Variants in CD46 observed in about 807,000 individuals in gnomAD.
CD46 encodes the protein membrane cofactor protein.
In CD46, 30 loss-of-function variants were observed where a neutral mutation model predicts 53.3. That is an observed-to-expected ratio of 0.56 (90% CI 0.42 to 0.76). CD46 has a LOEUF of 0.76. CD46 is among the 30% of genes least tolerant of loss of function. The probability of loss-of-function intolerance (pLI) is 0.00; values close to 1 mark genes in which losing one functional copy is unlikely to be tolerated. For missense variants in CD46, 409 were observed against 463.0 expected (o/e 0.88, Z 1.07); for synonymous variants, 142 against 152.0 (o/e 0.93, Z 0.48).
chr1:207,775,353 C>T (rs986402022), intron 8 of CD46, among the ~76,000 whole-genome samples: 2 of 152,144 alleles, frequency 1.3e-5, no homozygotes, highest in Non-Finnish European at 2.9e-5. Context: ...TTTGTTATTA[C>T]TGACCTTCTG....
chr1:207,785,553 C>A, intron 10 of CD46, 66 bp from the exon 11 acceptor site: 1 of 1,073,824 alleles, frequency 9.3e-7, no homozygotes, highest in Non-Finnish European at 1.5e-6. Context: ...ATTTCTTCTG[C>A]TAGATGTTGA....
rs56114948 is a variant in CD46 at position 207,785,791 on chromosome 1, T to A, written c.1082+109T>A. ...TTGCATGCTATCTTTTTTTTTTTTT[T>A]AAAAAAATGCCTGCATTAGTTTGTC... is the stretch of plus-strand genomic sequence containing the variant. On this transcript the variant is annotated intron_variant, in intron 11 of 12. Transcript: ENST00000367042. The A allele has an allele frequency of 0.051, 36,411 of 708,588 alleles. 1,731 individuals carry two copies. Among genetic ancestry groups the A allele is most frequent in the African/African-American group, 0.19 (10,523 of 55,568 alleles). The allele number at this position is 708,588 out of a possible 1,614,324, so 43.9% of individuals were successfully genotyped here.
chr1:207,794,742 T>C lies in CD46; in HGVS notation c.*1265T>C, dbSNP rs753496695. Reference sequence around the variant, plus strand: ...AGGTAGCACTTTATACTCAGGCAGATCTCAGCCCTCTACTGAGTCCCTTAG... The same window carrying C: ...AGGTAGCACTTTATACTCAGGCAGACCTCAGCCCTCTACTGAGTCCCTTAG... On this transcript the variant is annotated 3_prime_UTR_variant, in exon 13 of 13. Transcript: ENST00000367042. The C allele has an allele frequency of 2.6e-5, 4 of 152,210 alleles. No homozygotes were observed. The highest frequency in any genetic ancestry group is 4.4e-5 in the Non-Finnish European group (3 of 68,040). The allele number at this position is 152,210 out of a possible 1,614,324, so 9.4% of individuals were successfully genotyped here.
chr1:207,759,895 A>C, intron 4 of CD46, 171 bp downstream of exon 4: 3 of 563,818 alleles, frequency 5.3e-6, no homozygotes, highest in Non-Finnish European at 9.6e-6. Flanking sequence ...GTTTTTAAAT[A>C]ATTATTGATT....
At chr1:207,767,559 G>C in intron 6 of CD46, 4 of 1,401,108 alleles carry the variant, frequency 2.9e-6, no homozygotes, top group Non-Finnish European at 3.0e-6. Context: ...TGAAATGAGA[G>C]CAATAACTCC....
chr1:207,788,241 G>A (rs1558081762), intron 11 of CD46, among the ~76,000 whole-genome samples: 1 of 151,964 alleles, frequency 6.6e-6, no homozygotes, highest in Non-Finnish European at 1.5e-5. Flanking sequence ...TTCCAGCCGG[G>A]CCTGGTGGCT....
intron 6 of CD46, 188 bp from the exon 7 acceptor site, chr1:207,767,591 T>C (rs1230334088): frequency 6.2e-7 from 1 of 1,605,200 alleles, no homozygotes; most frequent in Non-Finnish European, 8.5e-7. Flanking sequence ...TCTTCTAACA[T>C]TATTTTGTTT....
chr1:207,783,206 C>T, intron 8 of CD46, 86 bp from the exon 9 acceptor site: 3 of 711,688 alleles, frequency 4.2e-6, no homozygotes, highest in Non-Finnish European at 7.4e-6. Flanking sequence ...AAAAAAATCA[C>T]CCTATGAGTT....
At chr1:207,792,961 T>C (rs1010550051) in intron 12 of CD46, among the ~76,000 whole-genome samples, 2 of 152,266 alleles carry the variant, frequency 1.3e-5, no homozygotes, top group East Asian at 3.8e-4. Flanking sequence ...AAATTACATG[T>C]ATGACTGGCA....
chr1:207,785,125 G>T lies in CD46; in HGVS notation c.1018+19G>T. ...GCCATAGGTAAGTATCACAAATTTT[G>T]ACACCACTTAAGTCAAAAAATTATT... On this transcript the variant is annotated intron_variant, in intron 10 of 12. Coordinates refer to ENST00000367042, the MANE Select transcript of CD46 (RefSeq NM_172351.3). 3 of 1,589,062 alleles carry T rather than the reference G, an allele frequency of 1.9e-6. No homozygotes were observed. The highest frequency in any genetic ancestry group is 2.2e-5 in the South Asian group (2 of 90,412).
At chr1:207,791,617 A>G (rs1251508389) in intron 12 of CD46, among the ~76,000 whole-genome samples, 3 of 152,220 alleles carry the variant, frequency 2.0e-5, no homozygotes, top group Admixed American at 6.5e-5. Flanking sequence ...GTAGTTCTGT[A>G]ATTTTCCATT....
chr1:207,780,789 A>G (rs1474839731), intron 8 of CD46, among the ~76,000 whole-genome samples: 1 of 152,118 alleles, frequency 6.6e-6, no homozygotes. Flanking sequence ...ACAGAATACC[A>G]CAGACTGAGT....
intron 11 of CD46, chr1:207,785,915 T>C: frequency 2.3e-6 from 1 of 438,862 alleles, no homozygotes; most frequent in Non-Finnish European, 4.2e-6. Flanking sequence ...TATTATGACT[T>C]TAAGAAAAAT....
In CD46 at chr1:207,757,146, A is replaced by G; in HGVS notation, c.230A>G (p.His77Arg). Residue 77 changes from histidine to arginine, a missense_variant, in exon 2 of 13, where the codon CAT becomes CGT. Physicochemically the swap from His to Arg is conservative, Grantham distance 29. Transcript: ENST00000367042. ...TTCTATATACCTCCTCTTGCCACCC[A>G]TACTATTTGTGATCGGAATCATACA... ...GYFYIPPLAT[H>R]TICDRNHTWL... The G allele has an allele frequency of 6.2e-7, 1 of 1,613,974 alleles. No individual in the cohort carries two copies. Among genetic ancestry groups the G allele is most frequent in the Non-Finnish European group, 8.5e-7 (1 of 1,179,932 alleles).
At chr1:207,764,000 C>T in intron 5 of CD46, among the ~76,000 whole-genome samples, 2 of 148,958 alleles carry the variant, frequency 1.3e-5, no homozygotes. Flanking sequence ...GCCATGTCTT[C>T]CTAGACTTAA....
At chr1:207,763,710 A>G (rs920490729) in intron 5 of CD46, among the ~76,000 whole-genome samples, 7 of 151,928 alleles carry the variant, frequency 4.6e-5, no homozygotes, top group Non-Finnish European at 1.0e-4. Context: ...TTCTGGAAAC[A>G]TTCTGTGCTG....
chr1:207,787,472 A>G (rs1318366596), intron 11 of CD46, among the ~76,000 whole-genome samples: 1 of 152,154 alleles, frequency 6.6e-6, no homozygotes, highest in Non-Finnish European at 1.5e-5. Context: ...TAATTTGTCC[A>G]GTGATTTTTT....
chr1:207,785,791 T>TAA lies in CD46; in HGVS notation c.1082+115_1082+116dup, dbSNP rs373519619. Reference sequence around the variant, plus strand: ...TTGCATGCTATCTTTTTTTTTTTTTTAAAAAAATGCCTGCATTAGTTTGTC... The same window carrying TAA: ...TTGCATGCTATCTTTTTTTTTTTTTTAAAAAAAAATGCCTGCATTAGTTTGTC... On this transcript the variant is annotated intron_variant, in intron 11 of 12. Transcript: ENST00000367042. 0.52 allele frequency: 374,902 copies of TAA among 718,396 alleles called. 94,613 individuals are homozygous for TAA. The highest frequency in any genetic ancestry group is 0.74 in the East Asian group (27,814 of 37,422). 44.5% of individuals were successfully genotyped at this position (718,396 alleles called of 1,614,324 possible).
intron 8 of CD46, among the ~76,000 whole-genome samples, chr1:207,771,683 G>A (rs1391210697): frequency 1.3e-5 from 2 of 152,068 alleles, no homozygotes; most frequent in Non-Finnish European, 2.9e-5. Context: ...TTTTTGTCAG[G>A]TTTGTCAAAG....
Sources: gnomAD v4.1 joint callset for allele counts (sites outside exome capture counted in the v4.1 genomes callset) on GRCh38, gnomAD v4.1.1 for gene constraint, MANE v1.5 for transcripts, NCBI Gene and HGNC (gene_info 2026-07-23, HGNC 2026-07-21) for gene names.